Variants in PTPRG observed in about 807,000 individuals in gnomAD.
PTPRG encodes the protein receptor-type tyrosine-protein phosphatase gamma.
In PTPRG, 102 loss-of-function variants were observed where a neutral mutation model predicts 165.3. The ratio of observed to expected loss-of-function variants is 0.62; its 90% CI spans 0.53 to 0.73. The LOEUF is 0.73. PTPRG is among the 30% of genes least tolerant of loss of function. The probability of loss-of-function intolerance (pLI) is 0.00; values close to 1 mark genes in which losing one functional copy is unlikely to be tolerated. For synonymous variants in PTPRG, 675 were observed against 669.5 expected (o/e 1.01, Z -0.13); for missense variants, 1,866 against 1,861.4 (o/e 1.00, Z -0.05).
intron 1 of PTPRG, among the ~76,000 whole-genome samples, chr3:61,682,309 A>T (rs549287724): frequency 6.6e-6 from 1 of 152,284 alleles, no homozygotes; most frequent in African/African-American, 2.4e-5. Flanking sequence ...TCTTTGTCTT[A>T]AGAAATTCAC....
chr3:62,023,462 C>T (rs1334081848), intron 4 of PTPRG, among the ~76,000 whole-genome samples: 2 of 152,064 alleles, frequency 1.3e-5, no homozygotes, highest in African/African-American at 4.8e-5. Flanking sequence ...TGGGATTTCT[C>T]CAGTCATTTT....
intron 6 of PTPRG, among the ~76,000 whole-genome samples, chr3:62,135,011 G>A (rs1466699606): frequency 2.0e-5 from 3 of 152,166 alleles, no homozygotes; most frequent in African/African-American, 7.2e-5. Flanking sequence ...AGTGGCTCAT[G>A]CCTATAATCC....
At position 62,224,531 on chromosome 3, in the gene PTPRG, G is replaced by A. The variant is rs1207361949; in HGVS notation, c.2288+5548G>A. ...CCCAAGGACACAGATGAGGTAGGGG[G>A]AACACGTGGGTATTTGTTAAGCACT... On this transcript the variant is annotated intron_variant, in intron 13 of 29. Coordinates refer to ENST00000474889, the MANE Select transcript of PTPRG (RefSeq NM_002841.4). The surrounding 1 kb of genome is among the most constrained non-coding windows in gnomAD (Gnocchi z 4.9). 2.0e-5 allele frequency among the ~76,000 whole-genome samples: 3 copies of A among 152,188 alleles called. No homozygotes were observed. The highest frequency in any genetic ancestry group is 7.2e-5 in the African/African-American group (3 of 41,446).
At chr3:61,688,264 C>G (rs192214658) in intron 1 of PTPRG, among the ~76,000 whole-genome samples, 1 of 152,270 alleles carries the variant, frequency 6.6e-6, no homozygotes, top group East Asian at 1.9e-4. Context: ...AGGTGTTGCC[C>G]TGGAGAATTG....
At chr3:62,171,781 T>G (rs144498487) in intron 8 of PTPRG, among the ~76,000 whole-genome samples, 41 of 152,238 alleles carry the variant, frequency 2.7e-4, no homozygotes, top group African/African-American at 9.9e-4. Flanking sequence ...TACACATCAG[T>G]GTTTTTTACT....
rs1331288097 is a variant in PTPRG at position 62,292,329 on chromosome 3, A to G, written c.4056-92A>G. On this transcript the variant is annotated intron_variant, in intron 28 of 29. Coordinates refer to ENST00000474889, the MANE Select transcript of PTPRG (RefSeq NM_002841.4). ...GAGTAAATGTCAAAACAGTCTACTT[A>G]GTTTCTATGAAAATACATGACAGTA... 19 of 1,351,794 alleles carry G rather than the reference A, an allele frequency of 1.4e-5. No homozygotes were observed. In the South Asian group the frequency reaches 1.9e-4, roughly 14 times the overall value. The allele number at this position is 1,351,794 out of a possible 1,614,324, so 83.7% of individuals were successfully genotyped here.
In PTPRG at chr3:62,219,121, G is replaced by A; in HGVS notation, c.2288+138G>A. On this transcript the variant is annotated intron_variant, in intron 13 of 29. Coordinates refer to ENST00000474889, the MANE Select transcript of PTPRG (RefSeq NM_002841.4). The surrounding 1 kb of genome is among the most constrained non-coding windows in gnomAD (Gnocchi z 4.5). Reference sequence around the variant, plus strand: ...TGTTTCTGGTCTTGCCACCCGGAAGGCCATCTTGTCTCTGTTAGATGATGG... The same window carrying A: ...TGTTTCTGGTCTTGCCACCCGGAAGACCATCTTGTCTCTGTTAGATGATGG... 5 of 1,207,354 alleles carry A rather than the reference G, an allele frequency of 4.1e-6. No homozygotes were observed. Among genetic ancestry groups the A allele is most frequent in the Non-Finnish European group, 5.8e-6 (5 of 868,106 alleles). 74.8% of individuals were successfully genotyped at this position (1,207,354 alleles called of 1,614,324 possible). A position where few individuals can be genotyped will look rare whatever the true frequency, so the allele number is the denominator to read the frequency against.
intron 14 of PTPRG, among the ~76,000 whole-genome samples, chr3:62,241,113 T>C (rs753324631): frequency 9.2e-5 from 14 of 152,176 alleles, no homozygotes; most frequent in Admixed American, 2.0e-4. Context: ...TTGATTTTTT[T>C]CTTTTTGTTC....
intron 2 of PTPRG, among the ~76,000 whole-genome samples, chr3:61,916,750 T>A (rs1277284937): frequency 2.6e-5 from 4 of 152,226 alleles, no homozygotes; most frequent in Admixed American, 6.5e-5. Context: ...TATTATGATG[T>A]CCATTTTTCA....
At position 62,132,230 on chromosome 3, in the gene PTPRG, T is replaced by C. The variant is rs1027801056; in HGVS notation, c.616-372T>C. On this transcript the variant is annotated intron_variant, in intron 5 of 29. Transcript: ENST00000474889. ...GGAAAAACACAGTCACCAGAAGATGTTGAAATTTTCCGTCAATGATGGATT... is the reference window on the plus strand; with the variant it reads ...GGAAAAACACAGTCACCAGAAGATGCTGAAATTTTCCGTCAATGATGGATT... Among the ~76,000 whole-genome samples, 8 of 152,220 alleles carry C rather than the reference T, an allele frequency of 5.3e-5. No individual in the cohort carries two copies. In the East Asian group the frequency reaches 1.2e-3, roughly 22 times the overall value.
At position 62,237,959 on chromosome 3, in the gene PTPRG, G is replaced by A. The variant is rs1701069566; in HGVS notation, c.2376-5848G>A. Among the ~76,000 whole-genome samples, 2 of 152,212 alleles carry A rather than the reference G, an allele frequency of 1.3e-5. No homozygotes were observed. ...CTAAAAAGGGATGAACGAATGGAGA[G>A]TAACATAGGAAGCTTGCTTCCACTC... On this transcript the variant is annotated intron_variant, in intron 14 of 29. Transcript: ENST00000474889. This position sits in a 1 kb window ranked among gnomAD's most constrained non-coding sequence, Gnocchi z 4.5.
chr3:61,598,775 G>A (rs1369051072), intron 1 of PTPRG, among the ~76,000 whole-genome samples: 2 of 152,096 alleles, frequency 1.3e-5, no homozygotes, highest in Admixed American at 1.3e-4. Flanking sequence ...CCTTCTCAGG[G>A]TCGTGAGGGA....
chr3:62,007,670 T>C (rs972197532), intron 4 of PTPRG, among the ~76,000 whole-genome samples: 2 of 152,206 alleles, frequency 1.3e-5, no homozygotes, highest in African/African-American at 4.8e-5. Flanking sequence ...AAATTAAACA[T>C]TGGTCATGTA....
Position 62,273,191 on chromosome 3 carries a change from T to C in PTPRG, c.3318+110T>C, listed in dbSNP as rs1043356731. 1 of 1,230,616 alleles carries C rather than the reference T, an allele frequency of 8.1e-7. No individual in the cohort carries two copies. The highest frequency in any genetic ancestry group is 1.1e-6 in the Non-Finnish European group (1 of 906,610). The allele number at this position is 1,230,616 out of a possible 1,614,324, so 76.2% of individuals were successfully genotyped here. ...CATTCTTTTAGGGCTTGCAGTAATT[T>C]ACAGGTTTGTATTAGAAGATATTCT... is the stretch of plus-strand genomic sequence containing the variant. On this transcript the variant is annotated intron_variant, in intron 22 of 29. Coordinates refer to ENST00000474889, the MANE Select transcript of PTPRG (RefSeq NM_002841.4). This position sits in a 1 kb window ranked among gnomAD's most constrained non-coding sequence, Gnocchi z 4.1.
At chr3:61,766,531 C>T (rs965582276) in intron 2 of PTPRG, among the ~76,000 whole-genome samples, 8 of 152,072 alleles carry the variant, frequency 5.3e-5, no homozygotes, top group African/African-American at 1.9e-4. Flanking sequence ...GGAATTTCAG[C>T]TCTCTTTAGT....
At chr3:61,826,779 T>C (rs2036124966) in intron 2 of PTPRG, among the ~76,000 whole-genome samples, 1 of 151,992 alleles carries the variant, frequency 6.6e-6, no homozygotes, top group Non-Finnish European at 1.5e-5. Context: ...ATCATAGGTC[T>C]AGAGTCCATT....
intron 4 of PTPRG, among the ~76,000 whole-genome samples, chr3:62,040,128 G>A (rs1426800133): frequency 1.3e-5 from 2 of 152,090 alleles, no homozygotes; most frequent in Non-Finnish European, 2.9e-5. Flanking sequence ...TAGCATGAGC[G>A]TTGCCTCTAA....
At chr3:61,975,992 T>C (rs2040494412) in intron 2 of PTPRG, among the ~76,000 whole-genome samples, 1 of 152,202 alleles carries the variant, frequency 6.6e-6, no homozygotes, top group African/African-American at 2.4e-5. Context: ...AAGGTGAAGT[T>C]CTATGTCCTA....
intron 5 of PTPRG, among the ~76,000 whole-genome samples, chr3:62,104,892 T>C (rs986748212): frequency 4.6e-5 from 7 of 152,210 alleles, no homozygotes; most frequent in African/African-American, 7.2e-5. Flanking sequence ...AACTATTGCA[T>C]TGAAAAAAGC....
Sources: gnomAD v4.1 joint callset for allele counts (sites outside exome capture counted in the v4.1 genomes callset) on GRCh38, gnomAD v4.1.1 for gene constraint, Gnocchi (gnomAD v3.1) non-coding constraint, MANE v1.5 for transcripts, NCBI Gene and HGNC (gene_info 2026-07-23, HGNC 2026-07-21) for gene names.